Variants in ARHGAP18 observed in about 807,000 individuals in gnomAD.
ARHGAP18 encodes the protein Rho GTPase activating protein 18.
Under a neutral mutation model 86.2 loss-of-function variants are expected in ARHGAP18, and 67 were observed. That is an observed-to-expected ratio of 0.78 (90% confidence interval 0.64 to 0.95). ARHGAP18 has a LOEUF of 0.95. Among genes scored for constraint, ARHGAP18 ranks in the 40% least tolerant of loss-of-function variants. ARHGAP18 has a pLI of 0.00. For synonymous variants in ARHGAP18, 283 were observed against 280.4 expected (o/e 1.01, Z -0.09); for missense variants, 691 against 780.4 (o/e 0.89, Z 1.37).
At chr6:129,687,161 G>A (rs1385291489) in intron 1 of ARHGAP18, among the ~76,000 whole-genome samples, 1 of 151,710 alleles carries the variant, frequency 6.6e-6, no homozygotes, top group Admixed American at 6.6e-5. Flanking sequence ...TCATCCCTTT[G>A]AGATGACAGT....
At chr6:129,635,037 T>G (rs999800228) in intron 3 of ARHGAP18, among the ~76,000 whole-genome samples, 4 of 152,176 alleles carry the variant, frequency 2.6e-5, no homozygotes, top group African/African-American at 9.7e-5. Context: ...TTTATGGAGA[T>G]GGTAAACCAT....
chr6:129,697,207 G>C (rs901771589), intron 1 of ARHGAP18, among the ~76,000 whole-genome samples: 2 of 152,178 alleles, frequency 1.3e-5, no homozygotes, highest in Admixed American at 1.3e-4. Context: ...ACCAGCACAA[G>C]TGCCAAACAA....
chr6:129,612,826 T>C (rs139754161), intron 7 of ARHGAP18, among the ~76,000 whole-genome samples: 3 of 152,282 alleles, frequency 2.0e-5, no homozygotes, highest in Non-Finnish European at 2.9e-5. Context: ...TGCACTGATA[T>C]TGAGGAAGTC....
intron 4 of ARHGAP18, among the ~76,000 whole-genome samples, chr6:129,632,870 C>T (rs913533663): frequency 1.1e-4 from 16 of 152,062 alleles, no homozygotes; most frequent in African/African-American, 3.9e-4. Context: ...ATGTTGGGAA[C>T]ACTCCTCAGT....
intron 4 of ARHGAP18, among the ~76,000 whole-genome samples, chr6:129,630,288 T>C (rs1773172743): frequency 6.6e-6 from 1 of 152,222 alleles, no homozygotes; most frequent in African/African-American, 2.4e-5. Context: ...AAAAATCTCT[T>C]TGCTGAAAAC....
At chr6:129,664,655 G>A (rs937444249) in intron 1 of ARHGAP18, among the ~76,000 whole-genome samples, 2 of 152,166 alleles carry the variant, frequency 1.3e-5, no homozygotes, top group Non-Finnish European at 2.9e-5. Flanking sequence ...CAAGATTGAA[G>A]TAAATGAATT....
intron 11 of ARHGAP18, among the ~76,000 whole-genome samples, chr6:129,599,608 G>C (rs1425446461): frequency 1.3e-5 from 2 of 152,108 alleles, no homozygotes; most frequent in Non-Finnish European, 2.9e-5. Flanking sequence ...AAGAGGCTTT[G>C]TGAAGTTCAA....
rs1159812102 is a variant in ARHGAP18, at chr6:129,577,678, A to C, written c.*835T>G. 2 of 152,198 alleles carry C rather than the reference A, an allele frequency of 1.3e-5. No homozygotes were observed. The highest frequency in any genetic ancestry group is 2.9e-5 in the Non-Finnish European group (2 of 68,032). 9.4% of individuals were successfully genotyped at this position (152,198 alleles called of 1,614,324 possible). A position where few individuals can be genotyped will look rare whatever the true frequency, so the allele number is the denominator to read the frequency against. ...TATTTATAATGCTAATAATGACAAC[A>C]CGTAAAGCCAGCTATGACTTTTAAA... On this transcript the variant is annotated 3_prime_UTR_variant, in exon 15 of 15. Coordinates refer to ENST00000368149, the MANE Select transcript of ARHGAP18 (RefSeq NM_033515.3).
intron 1 of ARHGAP18, among the ~76,000 whole-genome samples, chr6:129,693,558 T>G (rs1213155880): frequency 1.3e-5 from 2 of 152,146 alleles, no homozygotes; most frequent in Non-Finnish European, 2.9e-5. Flanking sequence ...CCACCCCAAA[T>G]GCTGCTAGGA....
At chr6:129,599,897 A>G (rs1475698835) in intron 11 of ARHGAP18, among the ~76,000 whole-genome samples, 1 of 152,244 alleles carries the variant, frequency 6.6e-6, no homozygotes. Context: ...AAATGTAACC[A>G]TGAAATAATT....
chr6:129,658,371 T>G (rs2114516391), intron 1 of ARHGAP18, among the ~76,000 whole-genome samples: 1 of 152,048 alleles, frequency 6.6e-6, no homozygotes, highest in South Asian at 2.1e-4. Context: ...TGGAAAAGAA[T>G]TTTATGATTA....
At chr6:129,598,301 A>AT (rs1788661863) in intron 12 of ARHGAP18, among the ~76,000 whole-genome samples, 2 of 152,232 alleles carry the variant, frequency 1.3e-5, no homozygotes, top group South Asian at 4.1e-4. Context: ...AGAAAGTATC[A>AT]TTTTTTAAGA....
intron 6 of ARHGAP18, among the ~76,000 whole-genome samples, chr6:129,617,639 TAAAAA>T (rs927818976): frequency 1.4e-5 from 2 of 147,142 alleles, no homozygotes; most frequent in African/African-American, 5.0e-5. Context: ...ACATAAGAAT[TAAAAA>T]AAAAAACTCT....
At chr6:129,680,073 C>A (rs375625174) in intron 1 of ARHGAP18, among the ~76,000 whole-genome samples, 14 of 152,276 alleles carry the variant, frequency 9.2e-5, no homozygotes, top group African/African-American at 3.1e-4. Context: ...GCATTTAGGA[C>A]CCAACTGGAT....
At position 129,608,272 on chromosome 6, in the gene ARHGAP18, CA is replaced by C. The variant is rs1254750484; in HGVS notation, c.1123-221del. 2.6e-5 allele frequency among the ~76,000 whole-genome samples: 4 copies of C among 151,764 alleles called. No homozygotes were observed. In the East Asian group the frequency reaches 7.7e-4, roughly 29 times the overall value. On this transcript the variant is annotated intron_variant, in intron 8 of 14. Coordinates refer to ENST00000368149, the MANE Select transcript of ARHGAP18 (RefSeq NM_033515.3). ...ACCAACAAAAAACTGTACCTAAGGC[CA>C]AAAAACATTTTAAAATTTATACTTT...
At chr6:129,627,215 T>C (rs1292335699) in intron 5 of ARHGAP18, among the ~76,000 whole-genome samples, 1 of 152,078 alleles carries the variant, frequency 6.6e-6, no homozygotes, top group Non-Finnish European at 1.5e-5. Flanking sequence ...TGTTAATAAG[T>C]CAACAATTTC....
Position 129,618,774 on chromosome 6 carries a change from G to A in ARHGAP18, c.865C>T (p.His289Tyr). ...LAPQDMKKVC[H>Y]LALIELTALY... ...GCAGTCAGCTCAATTAGGGCTAAAT[G>A]GCAAACTTTCTTCATGTCCTGGGGT... Residue 289 changes from histidine (H) to tyrosine (Y), a missense_variant, in exon 6 of 15, where the codon CAT becomes TAT. Physicochemically the swap from His to Tyr is moderately conservative, Grantham distance 83 (BLOSUM62 2). Transcript: ENST00000368149. 6.2e-7 allele frequency: 1 copy of A among 1,613,638 alleles called. No individual in the cohort carries two copies. The highest frequency in any genetic ancestry group is 8.5e-7 in the Non-Finnish European group (1 of 1,179,874).
chr6:129,640,057 A>C (rs892735231), intron 2 of ARHGAP18, among the ~76,000 whole-genome samples: 2 of 151,038 alleles, frequency 1.3e-5, no homozygotes, highest in Admixed American at 6.6e-5. Flanking sequence ...AAAAAAAAAA[A>C]AAAAAAACAA....
At chr6:129,605,301 T>C (rs1788828737) in intron 10 of ARHGAP18, among the ~76,000 whole-genome samples, 1 of 152,104 alleles carries the variant, frequency 6.6e-6, no homozygotes, top group Non-Finnish European at 1.5e-5. Flanking sequence ...AGCAAATCAC[T>C]TCAAAATGGT....
Sources: allele counts gnomAD v4.1 joint callset (sites outside exome capture counted in the v4.1 genomes callset), GRCh38; gene constraint gnomAD v4.1.1; transcripts MANE v1.5; gene names NCBI Gene and HGNC (gene_info 2026-07-23, HGNC 2026-07-21).